Variants in ST6GALNAC3 observed in about 807,000 individuals in gnomAD.
ST6GALNAC3 encodes the protein alpha-N-acetylgalactosaminide alpha-2,6-sialyltransferase 3.
ST6GALNAC3 carries 25 observed loss-of-function variants against 32.7 expected under a neutral mutation model. That is an observed-to-expected ratio of 0.76 (90% CI 0.56 to 1.07). ST6GALNAC3 has a LOEUF of 1.07. Among genes scored for constraint, ST6GALNAC3 ranks in the 50% least tolerant of loss-of-function variants. The pLI, the probability that ST6GALNAC3 is intolerant of heterozygous loss-of-function variation, is 0.00. For missense variants in ST6GALNAC3, 355 were observed against 382.4 expected, an observed-to-expected ratio of 0.93 and a Z score of 0.60; for synonymous variants, 129 against 133.1, an observed-to-expected ratio of 0.97 and a Z score of 0.21.
At chr1:76,579,181 G>A (rs1391443813) in intron 3 of ST6GALNAC3, among the ~76,000 whole-genome samples, 1 of 151,864 alleles carries the variant, frequency 6.6e-6, no homozygotes, top group Non-Finnish European at 1.5e-5. Context: ...TTTTATTGTG[G>A]AGAGGGGAGA....
intron 1 of ST6GALNAC3, among the ~76,000 whole-genome samples, chr1:76,089,602 T>G (rs562128626): frequency 1.3e-5 from 2 of 152,362 alleles, no homozygotes; most frequent in South Asian, 4.1e-4. Context: ...AGTTATTAGT[T>G]GTACAGGTTG....
intron 3 of ST6GALNAC3, among the ~76,000 whole-genome samples, chr1:76,549,202 G>C (rs1361601535): frequency 6.6e-6 from 1 of 152,076 alleles, no homozygotes; most frequent in Non-Finnish European, 1.5e-5. Flanking sequence ...TTTTGCCATA[G>C]GCCCTTGAGG....
At chr1:76,194,470 TATTTA>T (rs1418781074) in intron 1 of ST6GALNAC3, among the ~76,000 whole-genome samples, 1 of 151,282 alleles carries the variant, frequency 6.6e-6, no homozygotes, top group Admixed American at 6.6e-5. Flanking sequence ...TATTTTTAAA[TATTTA>T]ATTTATTTCA....
intron 2 of ST6GALNAC3, among the ~76,000 whole-genome samples, chr1:76,341,384 A>G (rs1176538047): frequency 6.6e-6 from 1 of 152,016 alleles, no homozygotes; most frequent in African/African-American, 2.4e-5. Flanking sequence ...AAAGAACCTT[A>G]TTTCATTGTT....
At chr1:76,628,583 C>T (rs762982539) in intron 4 of ST6GALNAC3, 37 bp from the exon 5 acceptor site, 1 of 1,534,872 alleles carries the variant, frequency 6.5e-7, no homozygotes, top group Non-Finnish European at 8.7e-7. Context: ...TTCTTCATCT[C>T]AATCTTTCTC....
At chr1:76,466,473 A>ATTT (rs1658638624) in intron 3 of ST6GALNAC3, among the ~76,000 whole-genome samples, 1 of 152,104 alleles carries the variant, frequency 6.6e-6, no homozygotes, top group South Asian at 2.1e-4. Flanking sequence ...CTGTCAAATT[A>ATTT]GAAAGCATTT....
chr1:76,453,254 A>AT (rs200973200), intron 3 of ST6GALNAC3, among the ~76,000 whole-genome samples: 1,838 of 150,398 alleles, frequency 0.012, 35 homozygotes, highest in African/African-American at 0.042. Flanking sequence ...TATCTTTTGT[A>AT]TTTTTTTTGT....
chr1:76,080,768 A>G (rs1246002477), intron 1 of ST6GALNAC3, among the ~76,000 whole-genome samples: 1 of 152,180 alleles, frequency 6.6e-6, no homozygotes, highest in Non-Finnish European at 1.5e-5. Context: ...CTTCACAGGT[A>G]CACAGATGAT....
At chr1:76,410,441 T>TCA (rs1300521188) in intron 2 of ST6GALNAC3, among the ~76,000 whole-genome samples, 4 of 151,770 alleles carry the variant, frequency 2.6e-5, no homozygotes, top group Admixed American at 2.6e-4. Flanking sequence ...TCTCACACAC[T>TCA]CACACACACA....
At chr1:76,160,352 T>C (rs942936886) in intron 1 of ST6GALNAC3, among the ~76,000 whole-genome samples, 1 of 152,128 alleles carries the variant, frequency 6.6e-6, no homozygotes, top group Non-Finnish European at 1.5e-5. Context: ...GTAGTAGCAG[T>C]GTGAAGGCTG....
At chr1:76,320,841 T>A (rs558721222) in intron 2 of ST6GALNAC3, among the ~76,000 whole-genome samples, 1 of 152,208 alleles carries the variant, frequency 6.6e-6, no homozygotes, top group African/African-American at 2.4e-5. Flanking sequence ...CATGCATACA[T>A]GTTCACAGAT....
chr1:76,529,091 T>G (rs1455487175), intron 3 of ST6GALNAC3, among the ~76,000 whole-genome samples: 1 of 151,996 alleles, frequency 6.6e-6, no homozygotes, highest in Non-Finnish European at 1.5e-5. Context: ...GAAGGCTGAT[T>G]GGTGTTTTCT....
intron 1 of ST6GALNAC3, among the ~76,000 whole-genome samples, chr1:76,134,879 A>C (rs192443437): frequency 6.6e-6 from 1 of 152,342 alleles, no homozygotes; most frequent in Admixed American, 6.5e-5. Context: ...GCGGTGGCTC[A>C]CGCCTGTAAT....
intron 3 of ST6GALNAC3, among the ~76,000 whole-genome samples, chr1:76,513,528 T>TA (rs1471198374): frequency 3.9e-5 from 6 of 152,196 alleles, no homozygotes; most frequent in Non-Finnish European, 7.3e-5. Context: ...TCTTGGTACT[T>TA]ACAGCTTTGT....
chr1:76,256,062 G>A (rs1484222818), intron 1 of ST6GALNAC3, among the ~76,000 whole-genome samples: 3 of 145,018 alleles, frequency 2.1e-5, no homozygotes, highest in Non-Finnish European at 3.0e-5. Context: ...AGCTACAAAA[G>A]AGCCCCAAGT....
chr1:76,208,227 G>T (rs1056080691), intron 1 of ST6GALNAC3, among the ~76,000 whole-genome samples: 31 of 152,170 alleles, frequency 2.0e-4, no homozygotes, highest in Admixed American at 3.9e-4. Context: ...TAGACCCCAG[G>T]GATATACAGT....
At chr1:76,332,262 C>A (rs555916251) in intron 2 of ST6GALNAC3, among the ~76,000 whole-genome samples, 4 of 152,274 alleles carry the variant, frequency 2.6e-5, no homozygotes, top group South Asian at 4.1e-4. Flanking sequence ...CACTAATCTG[C>A]CAACAACTGG....
At chr1:76,621,448 T>C (rs1340020830) in intron 3 of ST6GALNAC3, among the ~76,000 whole-genome samples, 1 of 152,092 alleles carries the variant, frequency 6.6e-6, no homozygotes, top group African/African-American at 2.4e-5. Flanking sequence ...TTCCACTGCC[T>C]GATTTGCAGA....
intron 1 of ST6GALNAC3, among the ~76,000 whole-genome samples, chr1:76,197,788 C>T (rs1235679613): frequency 6.6e-6 from 1 of 152,132 alleles, no homozygotes; most frequent in Non-Finnish European, 1.5e-5. Flanking sequence ...GCACTATCAA[C>T]ATTTTGGGCT....
Sources: gnomAD v4.1 joint callset for allele counts (sites outside exome capture counted in the v4.1 genomes callset) on GRCh38, gnomAD v4.1.1 for gene constraint, MANE v1.5 for transcripts, NCBI Gene and HGNC (gene_info 2026-07-23, HGNC 2026-07-21) for gene names.